Variants in BCAR1 observed in about 807,000 individuals in gnomAD.
BCAR1 encodes breast cancer anti-estrogen resistance protein 1.
In BCAR1, 30 loss-of-function variants were observed where a neutral mutation model predicts 67.6. That is an observed-to-expected ratio of 0.44 (90% CI 0.33 to 0.60). BCAR1 has a LOEUF of 0.60. Ranked by LOEUF, BCAR1 falls within the 20% of genes least tolerant of loss-of-function variation. The probability of loss-of-function intolerance (pLI) is 0.02; values close to 1 mark genes in which losing one functional copy is unlikely to be tolerated. For synonymous variants in BCAR1, 626 were observed against 556.7 expected, an observed-to-expected ratio of 1.12 and a Z score of -1.75; for missense variants, 1,313 against 1,222.3, an observed-to-expected ratio of 1.07 and a Z score of -1.11.
In BCAR1 at chr16:75,235,215, G is replaced by T; in HGVS notation, c.1684C>A (p.Leu562Ile). ...CCAGAGCCTCCCCGGCCAGCGTCGA[G>T]GGCCTGACCATGTGCCACCAGCGTC... ...HQTLVAHGQA[L>I]DAGRGGSGAT... Residue 562 changes from leucine (L) to isoleucine (I), a missense_variant, in exon 5 of 7, where the codon CTC becomes ATC. By Grantham distance (5) the Leu-to-Ile change is conservative. Transcript: ENST00000162330. 2 of 1,607,408 alleles carry T rather than the reference G, an allele frequency of 1.2e-6. No individual in the cohort carries two copies. The highest frequency in any genetic ancestry group is 1.1e-5 in the South Asian group (1 of 90,992).
intron 1 of BCAR1, chr16:75,263,219 C>G: frequency 1.0e-6 from 1 of 983,278 alleles, no homozygotes; most frequent in Non-Finnish European, 1.2e-6. Context: ...GCAGGGAGGC[C>G]TCTCTGCAGC....
At chr16:75,261,471 C>T (rs1228378352) in intron 1 of BCAR1, among the ~76,000 whole-genome samples, 1 of 152,272 alleles carries the variant, frequency 6.6e-6, no homozygotes, top group East Asian at 1.9e-4. Flanking sequence ...CCTGCCTGCC[C>T]CGTGCTGGCC....
intron 2 of BCAR1, chr16:75,238,891 A>T: frequency 1.0e-6 from 1 of 985,314 alleles, no homozygotes; most frequent in Non-Finnish European, 1.2e-6. Flanking sequence ...CAGCCTCCCA[A>T]AGGCAGGTGG....
intron 6 of BCAR1, among the ~76,000 whole-genome samples, chr16:75,232,943 A>G (rs11641289): frequency 0.13 from 19,934 of 152,098 alleles, 1,380 homozygotes; most frequent in South Asian, 0.17. Context: ...CTGTATTTTC[A>G]CTTTTAAAAT....
rs141868789 is a variant in BCAR1 at position 75,229,954 on chromosome 16, G to A, written c.2170C>T (p.Pro724Ser). The A allele has an allele frequency of 6.3e-7, 1 of 1,597,276 alleles. No homozygotes were observed. Among genetic ancestry groups the A allele is most frequent in the Non-Finnish European group, 8.6e-7 (1 of 1,169,242 alleles). ...CGCCCCGGGGCCAGGGGTTGGGCTGGCGTCCAGTTGGCCAGGTCGTGGTCT... is the reference window on the plus strand; with the variant it reads ...CGCCCCGGGGCCAGGGGTTGGGCTGACGTCCAGTTGGCCAGGTCGTGGTCT... The part of the protein sequence containing the change: ...PIDHDLANWT[P>S]AQPLAPGRTG... The change falls in exon 7 of 7, where the codon CCA becomes TCA. Residue 724 changes from proline to serine, a missense_variant. Coordinates refer to ENST00000162330, the MANE Select transcript of BCAR1 (RefSeq NM_014567.5).
chr16:75,230,086 G>A (rs2076845868), intron 6 of BCAR1, 63 bp from the exon 7 acceptor site: 1 of 1,506,646 alleles, frequency 6.6e-7, no homozygotes. Flanking sequence ...TACAGGCCGA[G>A]ACCTGGGCAC....
chr16:75,254,581 C>G (rs1306577205), upstream of BCAR1, among the ~76,000 whole-genome samples: 1 of 152,190 alleles, frequency 6.6e-6, no homozygotes, highest in Admixed American at 6.5e-5. Context: ...ACAGCACACA[C>G]GCATGCGTAT....
At chr16:75,248,456 T>C (rs1293955323) in intron 1 of BCAR1, 7 of 843,420 alleles carry the variant, frequency 8.3e-6, no homozygotes, top group Non-Finnish European at 1.1e-5. Context: ...CAACTGGCCA[T>C]CCGCACCCGG....
chr16:75,260,438 A>G (rs1555548182), intron 1 of BCAR1, among the ~76,000 whole-genome samples: 1 of 152,174 alleles, frequency 6.6e-6, no homozygotes, highest in Non-Finnish European at 1.5e-5. Context: ...GTTCGAGACC[A>G]GCCTGGCCAA....
At chr16:75,264,345 G>C in intron 1 of BCAR1, 1 of 1,518,624 alleles carries the variant, frequency 6.6e-7, no homozygotes, top group Non-Finnish European at 8.8e-7. Context: ...TACTGCCCTG[G>C]GATACCGGCC....
intron 4 of BCAR1, chr16:75,236,432 A>C: frequency 3.0e-6 from 1 of 330,708 alleles, no homozygotes; most frequent in Non-Finnish European, 5.6e-6. Flanking sequence ...CACCACCATC[A>C]CTGTTACCAC....
chr16:75,257,283 G>A (rs1192497366), intron 1 of BCAR1, among the ~76,000 whole-genome samples: 1 of 152,046 alleles, frequency 6.6e-6, no homozygotes, highest in Non-Finnish European at 1.5e-5. Context: ...ACTCCCGGCC[G>A]CTTTCATAGA....
intron 6 of BCAR1, among the ~76,000 whole-genome samples, chr16:75,233,235 T>C (rs1307716823): frequency 4.6e-5 from 7 of 152,138 alleles, no homozygotes; most frequent in Admixed American, 4.6e-4. Flanking sequence ...CAGCCAGGTG[T>C]GGTGGCAGGC....
At chr16:75,250,869 G>A in intron 1 of BCAR1, 1 of 985,546 alleles carries the variant, frequency 1.0e-6, no homozygotes, top group Non-Finnish European at 1.2e-6. Context: ...GGCGTGCGGG[G>A]CTGCAAAGCC....
intron 1 of BCAR1, chr16:75,245,964 CTTTTTTTTTTTTTTTTTTTTTTTT>C (rs60320561): frequency 1.8e-4 from 9 of 49,636 alleles, no homozygotes; most frequent in African/African-American, 6.8e-4. Context: ...TAGGATTGTT[CTTTTTTTTTTTTTTTTTTTTTTTT>C]TTTTTGAGAC....
chr16:75,258,595 A>G (rs1451109394), intron 1 of BCAR1, among the ~76,000 whole-genome samples: 2 of 151,926 alleles, frequency 1.3e-5, no homozygotes, highest in African/African-American at 4.8e-5. Flanking sequence ...AGGCTGTTCT[A>G]CACAAGGTGC....
chr16:75,247,957 A>G (rs1350596549), intron 1 of BCAR1: 12 of 825,528 alleles, frequency 1.5e-5, no homozygotes, highest in Non-Finnish European at 2.5e-5. Flanking sequence ...TCACAATAAT[A>G]AGAACAGCAC....
At position 75,242,830 on chromosome 16, in the gene BCAR1, G is replaced by C; in HGVS notation, c.273C>G (p.Ala91=). 1 of 1,607,306 alleles carries C rather than the reference G, an allele frequency of 6.2e-7. No individual in the cohort carries two copies. The highest frequency in any genetic ancestry group is 8.5e-7 in the Non-Finnish European group (1 of 1,177,790). Residue 91 remains alanine (A), a synonymous_variant, in exon 2 of 7, where the codon GCC becomes GCG. Coordinates refer to ENST00000162330, the MANE Select transcript of BCAR1 (RefSeq NM_014567.5). ...TPAQPQPGLH[A]PAPPASQYTP... The stretch of plus-strand genomic sequence containing the variant: ...TGTACTGGGAGGCCGGAGGCGCTGG[G>C]GCATGGAGGCCAGGCTGAGGCTGGG...
chr16:75,236,813 C>T (rs748647189), intron 4 of BCAR1, 69 bp downstream of exon 4: 1 of 1,560,010 alleles, frequency 6.4e-7, no homozygotes, highest in South Asian at 1.2e-5. Flanking sequence ...CTGGTCAGCA[C>T]CCCTGTGCAC....
Sources: allele counts gnomAD v4.1 joint callset (sites outside exome capture counted in the v4.1 genomes callset), GRCh38; gene constraint gnomAD v4.1.1; transcripts MANE v1.5; gene names NCBI Gene and HGNC (gene_info 2026-07-23, HGNC 2026-07-21).